Variants in ADGRL3 observed in about 807,000 individuals in gnomAD.
ADGRL3 encodes the protein calcium-independent alpha-latrotoxin receptor 3.
ADGRL3 carries 62 observed loss-of-function variants against 153.5 expected under a neutral mutation model. The observed-to-expected ratio is 0.40, with a 90% confidence interval of 0.33 to 0.50. The LOEUF is 0.50. Ranked by LOEUF, ADGRL3 falls within the 20% of genes least tolerant of loss-of-function variation. The pLI, the probability that ADGRL3 is intolerant of heterozygous loss-of-function variation, is 0.47. For synonymous variants in ADGRL3, 710 were observed against 672.5 expected, an observed-to-expected ratio of 1.06 and a Z score of -0.86; for missense variants, 1,641 against 1,859.4, an observed-to-expected ratio of 0.88 and a Z score of 2.16.
chr4:61,686,103 TCA>T (rs1196809047), intron 6 of ADGRL3, among the ~76,000 whole-genome samples: 1 of 152,130 alleles, frequency 6.6e-6, no homozygotes, highest in Admixed American at 6.6e-5. Context: ...TCAACCATGC[TCA>T]TTTAGCTTTA....
intron 5 of ADGRL3, among the ~76,000 whole-genome samples, chr4:61,650,615 T>A (rs183175625): frequency 6.6e-6 from 1 of 152,238 alleles, no homozygotes; most frequent in African/African-American, 2.4e-5. Flanking sequence ...ATTTTCTGGG[T>A]TCTTTTCCTT....
chr4:61,793,133 A>G (rs1157000549), intron 8 of ADGRL3, among the ~76,000 whole-genome samples: 1 of 151,988 alleles, frequency 6.6e-6, no homozygotes, highest in Admixed American at 6.6e-5. Context: ...TTATAAAACC[A>G]TCAGATCTCA....
chr4:61,915,425 T>C (rs1170417603), intron 13 of ADGRL3, among the ~76,000 whole-genome samples: 1 of 151,866 alleles, frequency 6.6e-6, no homozygotes, highest in Admixed American at 6.6e-5. Context: ...CTGAGCAATG[T>C]TAGGATTGTT....
At chr4:61,980,729 C>A (rs1420232244) in intron 18 of ADGRL3, among the ~76,000 whole-genome samples, 1 of 152,136 alleles carries the variant, frequency 6.6e-6, no homozygotes, top group Non-Finnish European at 1.5e-5. Context: ...GTGTGAGGCA[C>A]CATGCCTGGC....
At chr4:61,824,538 T>G (rs1333907188) in intron 9 of ADGRL3, among the ~76,000 whole-genome samples, 2 of 152,204 alleles carry the variant, frequency 1.3e-5, no homozygotes, top group Non-Finnish European at 2.9e-5. Flanking sequence ...TATACCCGTA[T>G]AGTAAAAATT....
chr4:61,779,886 A>C (rs2152373200), intron 8 of ADGRL3, among the ~76,000 whole-genome samples: 1 of 152,110 alleles, frequency 6.6e-6, no homozygotes, highest in South Asian at 2.1e-4. Flanking sequence ...TCACCCCGGG[A>C]TCATGTTAAA....
intron 3 of ADGRL3, 111 bp downstream of exon 3, chr4:61,497,459 A>G: frequency 1.8e-6 from 1 of 570,686 alleles, no homozygotes. Context: ...TCCTTATCAT[A>G]TGTTAGTATG....
intron 2 of ADGRL3, among the ~76,000 whole-genome samples, chr4:61,393,915 T>C (rs780743992): frequency 4.6e-5 from 7 of 152,110 alleles, no homozygotes; most frequent in South Asian, 2.1e-4. Flanking sequence ...CTGGAGAAAA[T>C]TGGAAGTCTA....
chr4:61,635,495 A>G (rs1414842075), intron 5 of ADGRL3, among the ~76,000 whole-genome samples: 1 of 152,130 alleles, frequency 6.6e-6, no homozygotes, highest in Admixed American at 6.5e-5. Flanking sequence ...AAGAGAGTTG[A>G]GGTATACCTC....
At chr4:61,900,182 A>G (rs1488470359) in intron 11 of ADGRL3, among the ~76,000 whole-genome samples, 4 of 152,174 alleles carry the variant, frequency 2.6e-5, no homozygotes, top group Non-Finnish European at 1.5e-5. Flanking sequence ...TGCTCACTGT[A>G]TGTCACCACC....
chr4:61,510,272 C>T (rs768060009), intron 3 of ADGRL3, among the ~76,000 whole-genome samples: 6 of 152,110 alleles, frequency 3.9e-5, no homozygotes, highest in Non-Finnish European at 5.9e-5. Flanking sequence ...TATTAGGTCC[C>T]ACTTGTCAAT....
chr4:61,372,734 C>A (rs537253196), intron 1 of ADGRL3, among the ~76,000 whole-genome samples: 1 of 152,136 alleles, frequency 6.6e-6, no homozygotes, highest in Non-Finnish European at 1.5e-5. Flanking sequence ...AGGCAGGCCT[C>A]CTTGAGCTGT....
intron 3 of ADGRL3, among the ~76,000 whole-genome samples, chr4:61,509,350 ACTC>A (rs1290501704): frequency 1.3e-5 from 2 of 150,160 alleles, no homozygotes; most frequent in Non-Finnish European, 3.0e-5. Flanking sequence ...CTGGTCTTGA[ACTC>A]CTGACCTCGG....
At chr4:62,021,201 C>G (rs144538528) in intron 21 of ADGRL3, among the ~76,000 whole-genome samples, 1 of 152,096 alleles carries the variant, frequency 6.6e-6, no homozygotes, top group African/African-American at 2.4e-5. Flanking sequence ...TACTTTTGCA[C>G]ATTAAAGTTT....
chr4:61,244,638 C>T (rs981514798), intron 1 of ADGRL3, among the ~76,000 whole-genome samples: 1 of 151,756 alleles, frequency 6.6e-6, no homozygotes, highest in Non-Finnish European at 1.5e-5. Context: ...ACGGCTGTAC[C>T]CTGAGTCAGT....
At chr4:61,417,690 T>A (rs1308598773) in intron 2 of ADGRL3, among the ~76,000 whole-genome samples, 2 of 106,842 alleles carry the variant, frequency 1.9e-5, no homozygotes, top group African/African-American at 6.3e-5. Flanking sequence ...TTTAAAATAG[T>A]TTATGCCAAA....
intron 17 of ADGRL3, among the ~76,000 whole-genome samples, chr4:61,963,129 A>ATTT (rs113915071): frequency 5.4e-5 from 8 of 149,068 alleles, no homozygotes; most frequent in East Asian, 3.9e-4. Context: ...ATAAGGCTGT[A>ATTT]TTTTTTTTTT....
intron 5 of ADGRL3, among the ~76,000 whole-genome samples, chr4:61,658,109 A>G (rs1192841280): frequency 1.3e-5 from 2 of 152,156 alleles, no homozygotes; most frequent in African/African-American, 2.4e-5. Flanking sequence ...GGGTTGCACC[A>G]CCATCCATTC....
intron 1 of ADGRL3, among the ~76,000 whole-genome samples, chr4:61,379,705 A>G (rs969800351): frequency 2.0e-5 from 3 of 152,082 alleles, no homozygotes; most frequent in Non-Finnish European, 4.4e-5. Context: ...GACTGAAAAA[A>G]TAACATATTT....
Sources: allele counts gnomAD v4.1 joint callset (sites outside exome capture counted in the v4.1 genomes callset), GRCh38; gene constraint gnomAD v4.1.1; transcripts MANE v1.5; gene names NCBI Gene and HGNC (gene_info 2026-07-23, HGNC 2026-07-21).